The following DISC1 variants were observed in gnomAD, a reference collection of about 807,000 sequenced individuals.
The protein encoded by DISC1 is disrupted in schizophrenia 1 protein.
DISC1 carries 57 observed loss-of-function variants against 84.5 expected under a neutral mutation model. That is an observed-to-expected ratio of 0.67 (90% CI 0.55 to 0.84). The LOEUF (loss-of-function observed/expected upper bound fraction) is 0.84. DISC1 is among the 40% of genes least tolerant of loss of function. The pLI is 0.00. For synonymous variants in DISC1, 411 were observed against 415.2 expected, an observed-to-expected ratio of 0.99 and a Z score of 0.12; for missense variants, 1,000 against 1,057.8, an observed-to-expected ratio of 0.95 and a Z score of 0.76.
chr1:231,899,751 C>T (rs532334992), intron 9 of DISC1, among the ~76,000 whole-genome samples: 3 of 152,076 alleles, frequency 2.0e-5, no homozygotes, highest in South Asian at 2.1e-4. Flanking sequence ...TGTTTTCTGG[C>T]GAGTCTGTCG....
At chr1:231,784,877 C>G (rs2077712061) in intron 6 of DISC1, among the ~76,000 whole-genome samples, 1 of 152,178 alleles carries the variant, frequency 6.6e-6, no homozygotes, top group Admixed American at 6.5e-5. Flanking sequence ...ACTGGCTTTC[C>G]CAGAAGTAAA....
chr1:232,034,976 C>G (rs1339645948), intron 12 of DISC1, among the ~76,000 whole-genome samples: 1 of 151,968 alleles, frequency 6.6e-6, no homozygotes, highest in Non-Finnish European at 1.5e-5. Flanking sequence ...CCATTTTCCT[C>G]AAGTTCAAAT....
At chr1:231,755,488 C>T (rs1339812104) in intron 4 of DISC1, among the ~76,000 whole-genome samples, 1 of 152,070 alleles carries the variant, frequency 6.6e-6, no homozygotes, top group African/African-American at 2.4e-5. Context: ...CTATCTCTAG[C>T]CCTGATTTAT....
chr1:232,034,468 A>T (rs542345100), intron 12 of DISC1, among the ~76,000 whole-genome samples: 10 of 152,234 alleles, frequency 6.6e-5, no homozygotes, highest in Non-Finnish European at 1.3e-4. Context: ...CGATTGTTGT[A>T]TGAGCGGCTG....
At chr1:231,795,382 G>A in intron 7 of DISC1, 86 bp downstream of exon 7, 2 of 1,213,090 alleles carry the variant, frequency 1.6e-6, no homozygotes, top group Non-Finnish European at 2.4e-6. Context: ...TAGGATACCT[G>A]GCTTCTGCAA....
Position 231,854,368 on chromosome 1 carries a change from A to G in DISC1, c.1981+35851A>G, listed in dbSNP as rs547996613. Among the ~76,000 whole-genome samples, 3 of 152,378 alleles carry G rather than the reference A, an allele frequency of 2.0e-5. No individual in the cohort carries two copies. In the South Asian group the frequency reaches 6.2e-4, roughly 32 times the overall value. Reference sequence around the variant, plus strand: ...ATATAGAACTGTAAAACTTTTAAAAAGTAAAATGCCTGTTAAATTGTTAAA... The same window carrying G: ...ATATAGAACTGTAAAACTTTTAAAAGGTAAAATGCCTGTTAAATTGTTAAA... On this transcript the variant is annotated intron_variant, in intron 9 of 12. Transcript: ENST00000439617.
chr1:232,015,798 T>C (rs1468139015), intron 11 of DISC1, among the ~76,000 whole-genome samples: 1 of 152,174 alleles, frequency 6.6e-6, no homozygotes, highest in Non-Finnish European at 1.5e-5. Context: ...TGCCTTCCAT[T>C]CTGAATATGC....
At chr1:231,939,905 G>A (rs1321481294) in intron 9 of DISC1, among the ~76,000 whole-genome samples, 1 of 151,828 alleles carries the variant, frequency 6.6e-6, no homozygotes, top group Non-Finnish European at 1.5e-5. Flanking sequence ...ACTGTGCCTG[G>A]CTAATTTTTG....
At chr1:232,024,620 T>C (rs1476421563) in intron 11 of DISC1, among the ~76,000 whole-genome samples, 1 of 151,976 alleles carries the variant, frequency 6.6e-6, no homozygotes, top group Non-Finnish European at 1.5e-5. Context: ...TGAGACAGCG[T>C]CTTGCTCTGT....
intron 9 of DISC1, among the ~76,000 whole-genome samples, chr1:231,832,772 A>G (rs2082335513): frequency 6.8e-6 from 1 of 146,934 alleles, no homozygotes; most frequent in Non-Finnish European, 1.5e-5. Context: ...CAGGGTGGAT[A>G]GGCAAAACAA....
intron 3 of DISC1, among the ~76,000 whole-genome samples, chr1:231,733,414 G>T (rs1333508478): frequency 6.7e-6 from 1 of 150,014 alleles, no homozygotes; most frequent in East Asian, 2.0e-4. Context: ...GACTGTAGAA[G>T]TGGTGGTGGT....
intron 4 of DISC1, among the ~76,000 whole-genome samples, chr1:231,754,108 C>G (rs1330470534): frequency 1.3e-5 from 2 of 152,168 alleles, no homozygotes; most frequent in Non-Finnish European, 2.9e-5. Context: ...TTCGTGTCTT[C>G]TTCTGAGCCA....
intron 1 of DISC1, among the ~76,000 whole-genome samples, chr1:231,632,196 A>G (rs1049933129): frequency 6.6e-6 from 1 of 152,172 alleles, no homozygotes; most frequent in Non-Finnish European, 1.5e-5. Context: ...AGTACACTCT[A>G]TGGTGTTTGC....
chr1:231,871,629 T>G (rs2085473150), intron 9 of DISC1, among the ~76,000 whole-genome samples: 1 of 152,218 alleles, frequency 6.6e-6, no homozygotes, highest in South Asian at 2.1e-4. Flanking sequence ...AATCTCCGCC[T>G]CTTTGTCTTC....
At chr1:231,677,942 A>G (rs1572775215) in intron 1 of DISC1, among the ~76,000 whole-genome samples, 1 of 151,574 alleles carries the variant, frequency 6.6e-6, no homozygotes, top group Non-Finnish European at 1.5e-5. Flanking sequence ...GTGCCATTGC[A>G]CTCCAGCCTG....
rs776794114 is a variant in DISC1 at position 231,710,202 on chromosome 1, C to T, written c.1117+8178C>T. Among the ~76,000 whole-genome samples the T allele has an allele frequency of 5.9e-5, 9 of 152,212 alleles. 1 individual carries two copies. The highest frequency in any genetic ancestry group is 6.8e-3 in the Middle Eastern group (2 of 294). On this transcript the variant is annotated intron_variant, in intron 3 of 12. Coordinates refer to ENST00000439617, the MANE Select transcript of DISC1 (RefSeq NM_018662.3). ...AAAATGACAAAAACAATTAGCCAAGCACAATGTCATGCACTTGTGTTCCCA... is the reference window on the plus strand; with the variant it reads ...AAAATGACAAAAACAATTAGCCAAGTACAATGTCATGCACTTGTGTTCCCA...
At chr1:231,963,364 G>A (rs1660652471) in intron 10 of DISC1, among the ~76,000 whole-genome samples, 1 of 151,874 alleles carries the variant, frequency 6.6e-6, no homozygotes, top group Admixed American at 6.6e-5. Flanking sequence ...CACCATTTTT[G>A]ACCTAGAAAA....
At chr1:232,011,979 A>G (rs1353414113) in intron 11 of DISC1, among the ~76,000 whole-genome samples, 2 of 152,208 alleles carry the variant, frequency 1.3e-5, no homozygotes, top group Non-Finnish European at 2.9e-5. Context: ...CCACCACGAC[A>G]TAAGAGGATA....
At chr1:231,797,619 T>TC (rs1327045036) in intron 7 of DISC1, among the ~76,000 whole-genome samples, 1 of 152,082 alleles carries the variant, frequency 6.6e-6, no homozygotes, top group East Asian at 1.9e-4. Context: ...CATGACCTGA[T>TC]CACCTCCCAA....
Sources: gnomAD v4.1 joint callset for allele counts (sites outside exome capture counted in the v4.1 genomes callset) on GRCh38, gnomAD v4.1.1 for gene constraint, MANE v1.5 for transcripts, NCBI Gene and HGNC (gene_info 2026-07-23, HGNC 2026-07-21) for gene names.